Variants in PLSCR5 observed in about 807,000 individuals in gnomAD.
The protein encoded by PLSCR5 is phospholipid scramblase family member 5, also known as phospholipid scramblase family, member 5.
In PLSCR5, 44 loss-of-function variants were observed where a neutral mutation model predicts 33.6. The observed-to-expected ratio is 1.31, with a 90% CI of 1.03 to 1.69. The LOEUF (loss-of-function observed/expected upper bound fraction) is 1.69, where lower values mean the gene tolerates loss of function less well. PLSCR5 is among the 40% of genes most tolerant of loss of function. The pLI is 0.00. For missense variants in PLSCR5, 375 were observed against 318.7 expected (o/e 1.18, Z -1.34); for synonymous variants, 148 against 112.3 (o/e 1.32, Z -2.01).
chr3:146,584,390 C>T (rs1490249562), downstream of PLSCR5, among the ~76,000 whole-genome samples: 2 of 152,112 alleles, frequency 1.3e-5, no homozygotes, highest in African/African-American at 4.8e-5. Flanking sequence ...AATTAGATTC[C>T]AGGTTATGTC....
chr3:146,591,608 C>T, intron 5 of PLSCR5, 112 bp downstream of exon 5: 1 of 1,195,174 alleles, frequency 8.4e-7, no homozygotes, highest in Non-Finnish European at 1.2e-6. Context: ...ACAAATATGT[C>T]ATTTTCTGAA....
downstream of PLSCR5, among the ~76,000 whole-genome samples, chr3:146,584,358 T>C (rs1289801353): frequency 6.6e-6 from 1 of 152,166 alleles, no homozygotes; most frequent in South Asian, 2.1e-4. Flanking sequence ...CAGTTTAAGG[T>C]TGCAGCACTG....
intron 3 of PLSCR5, 37 bp downstream of exon 3, chr3:146,595,004 A>T: frequency 3.2e-6 from 4 of 1,236,948 alleles, no homozygotes; most frequent in Non-Finnish European, 4.2e-6. Context: ...TATTTTCAAT[A>T]GTTTTAATAA....
intron 1 of PLSCR5, among the ~76,000 whole-genome samples, chr3:146,603,990 A>G (rs1015187354): frequency 2.0e-5 from 3 of 152,096 alleles, no homozygotes; most frequent in African/African-American, 7.2e-5. Flanking sequence ...TAAAAAATGG[A>G]AAGATTATCT....
chr3:146,582,196 C>A (rs914455827), downstream of PLSCR5, among the ~76,000 whole-genome samples: 1 of 152,134 alleles, frequency 6.6e-6, no homozygotes, highest in Non-Finnish European at 1.5e-5. Flanking sequence ...GGGTTGAATT[C>A]TTTCAAACAA....
intron 1 of PLSCR5, 62 bp from the exon 2 acceptor site, chr3:146,600,525 T>TA (rs2044804235): frequency 2.2e-6 from 3 of 1,386,472 alleles, no homozygotes; most frequent in African/African-American, 1.5e-5. Context: ...TAGTCCTTCT[T>TA]AAAGTATTTG....
downstream of PLSCR5, among the ~76,000 whole-genome samples, chr3:146,584,505 C>T (rs868608915): frequency 1.4e-4 from 22 of 152,208 alleles, no homozygotes; most frequent in Middle Eastern, 3.4e-3. Context: ...GGAGAAAGGT[C>T]GCACGTGATT....
intron 7 of PLSCR5, among the ~76,000 whole-genome samples, chr3:146,577,947 A>G (rs1010463906): frequency 5.3e-5 from 8 of 152,168 alleles, no homozygotes; most frequent in African/African-American, 9.6e-5. Context: ...AAAAAGTAAC[A>G]ACTGTTTAAT....
At chr3:146,599,141 C>T (rs770747715) in intron 2 of PLSCR5, among the ~76,000 whole-genome samples, 5 of 152,124 alleles carry the variant, frequency 3.3e-5, no homozygotes, top group Non-Finnish European at 7.3e-5. Context: ...AATATACATA[C>T]ATGAATAGCA....
chr3:146,591,019 A>G (rs1429832357), intron 5 of PLSCR5, among the ~76,000 whole-genome samples: 1 of 81,526 alleles, frequency 1.2e-5, no homozygotes. Flanking sequence ...TGTTTTTTTT[A>G]CAAAACTAAC....
At chr3:146,584,040 G>C (rs980533509), downstream of PLSCR5, among the ~76,000 whole-genome samples, 7 of 152,076 alleles carry the variant, frequency 4.6e-5, no homozygotes, top group African/African-American at 1.7e-4. Context: ...GGGTGGGAAG[G>C]GGGGAAGACA....
intron 2 of PLSCR5, among the ~76,000 whole-genome samples, chr3:146,597,520 TC>T (rs1165753732): frequency 1.3e-5 from 2 of 152,108 alleles, no homozygotes; most frequent in African/African-American, 4.8e-5. Flanking sequence ...TCTTATACCC[TC>T]CCCATCCTCT....
intron 1 of PLSCR5, among the ~76,000 whole-genome samples, chr3:146,603,008 G>A (rs1365118355): frequency 6.6e-6 from 1 of 152,092 alleles, no homozygotes; most frequent in Non-Finnish European, 1.5e-5. Flanking sequence ...AACCTTTGGA[G>A]ACAGCTCTTG....
At chr3:146,600,540 T>C in intron 1 of PLSCR5, 77 bp from the exon 2 acceptor site, 1 of 1,269,956 alleles carries the variant, frequency 7.9e-7, no homozygotes, top group Non-Finnish European at 1.0e-6. Context: ...TATTTGTTAC[T>C]TCTTGATTGA....
At chr3:146,588,908 T>C (rs977109753) in intron 6 of PLSCR5, among the ~76,000 whole-genome samples, 1 of 152,168 alleles carries the variant, frequency 6.6e-6, no homozygotes, top group East Asian at 1.9e-4. Context: ...TATACACATC[T>C]TTTTCATGTA....
intron 3 of PLSCR5, among the ~76,000 whole-genome samples, chr3:146,594,440 G>A (rs1228361696): frequency 6.6e-6 from 1 of 151,978 alleles, no homozygotes; most frequent in Non-Finnish European, 1.5e-5. Context: ...ATAATTTATA[G>A]CTCAAAAAAT....
intron 1 of PLSCR5, among the ~76,000 whole-genome samples, chr3:146,603,608 A>T (rs2044838478): frequency 6.6e-6 from 1 of 152,072 alleles, no homozygotes; most frequent in East Asian, 1.9e-4. Flanking sequence ...TTCTTCAAAG[A>T]CTCAGACAAC....
chr3:146,591,024 A>G (rs1338719373), intron 5 of PLSCR5, among the ~76,000 whole-genome samples: 1 of 150,418 alleles, frequency 6.6e-6, no homozygotes, highest in Non-Finnish European at 1.5e-5. Flanking sequence ...TTTTTACAAA[A>G]CTAACTTAGC....
At chr3:146,601,242 A>G (rs376324) in intron 1 of PLSCR5, among the ~76,000 whole-genome samples, 91,164 of 151,640 alleles carry the variant, frequency 0.6, 27,632 homozygotes, top group Non-Finnish European at 0.64. Flanking sequence ...TTTATGTATA[A>G]CCCCTAATAA....
Sources: allele counts gnomAD v4.1 joint callset (sites outside exome capture counted in the v4.1 genomes callset), GRCh38; gene constraint gnomAD v4.1.1; transcripts MANE v1.5; gene names NCBI Gene and HGNC (gene_info 2026-07-23, HGNC 2026-07-21).